The following PTPRN2 variants were observed in gnomAD, a reference collection of about 807,000 sequenced individuals.
PTPRN2 encodes protein tyrosine phosphatase receptor type N2, also known as receptor-type tyrosine-protein phosphatase N2.
Under a neutral mutation model 118.8 loss-of-function variants are expected in PTPRN2, and 74 were observed. That is an observed-to-expected ratio of 0.62 (90% CI 0.52 to 0.76). The LOEUF is 0.76. PTPRN2 is among the 30% of genes least tolerant of loss of function. The probability of loss-of-function intolerance (pLI) is 0.00; values close to 1 mark genes in which losing one functional copy is unlikely to be tolerated. For synonymous variants in PTPRN2, 641 were observed against 608.0 expected (o/e 1.05, Z -0.80); for missense variants, 1,481 against 1,394.4 (o/e 1.06, Z -0.99).
intron 5 of PTPRN2, among the ~76,000 whole-genome samples, chr7:158,174,638 C>T (rs915779045): frequency 6.6e-6 from 1 of 152,224 alleles, no homozygotes; most frequent in Admixed American, 6.5e-5. Context: ...TCAGATGTGG[C>T]CCTGTCCTCA....
intron 15 of PTPRN2, among the ~76,000 whole-genome samples, chr7:157,604,891 T>G (rs987620817): frequency 6.6e-6 from 1 of 152,186 alleles, no homozygotes; most frequent in Non-Finnish European, 1.5e-5. Context: ...CTTTGCTCTG[T>G]TTTTAGAAAC....
At chr7:158,299,645 G>T (rs1489741754) in intron 3 of PTPRN2, among the ~76,000 whole-genome samples, 1 of 152,212 alleles carries the variant, frequency 6.6e-6, no homozygotes, top group Non-Finnish European at 1.5e-5. Context: ...AGATAGCCAG[G>T]GCCTTCTGAG....
At chr7:158,312,805 A>G (rs534621079) in intron 3 of PTPRN2, among the ~76,000 whole-genome samples, 139 of 150,964 alleles carry the variant, frequency 9.2e-4, no homozygotes, top group African/African-American at 3.1e-3. Flanking sequence ...ACACTCATTC[A>G]CGTGCTCACG....
chr7:158,358,385 C>A (rs574441215), intron 2 of PTPRN2, among the ~76,000 whole-genome samples: 2 of 152,360 alleles, frequency 1.3e-5, no homozygotes, highest in African/African-American at 4.8e-5. Flanking sequence ...CGGCTCTGCC[C>A]TTCCTGGCCT....
At chr7:157,807,178 G>A (rs1452371326) in intron 12 of PTPRN2, among the ~76,000 whole-genome samples, 3 of 152,210 alleles carry the variant, frequency 2.0e-5, no homozygotes, top group Non-Finnish European at 2.9e-5. Context: ...AACTGTGCCC[G>A]AGAACACATA....
intron 7 of PTPRN2, among the ~76,000 whole-genome samples, chr7:158,137,942 A>G (rs1287916793): frequency 6.6e-6 from 1 of 152,082 alleles, no homozygotes; most frequent in Non-Finnish European, 1.5e-5. Context: ...CAGACATTTG[A>G]ATGATCCCCT....
intron 1 of PTPRN2, among the ~76,000 whole-genome samples, chr7:158,566,352 CAA>C (rs371158822): frequency 3.1e-5 from 4 of 127,916 alleles, no homozygotes; most frequent in Non-Finnish European, 5.1e-5. Context: ...AAAACTGTCT[CAA>C]AAAAAAAAAA....
At chr7:158,155,520 C>CGCCAT (rs1821650961) in intron 6 of PTPRN2, among the ~76,000 whole-genome samples, 2 of 119,550 alleles carry the variant, frequency 1.7e-5, no homozygotes, top group Admixed American at 1.8e-4. Flanking sequence ...GCCATCATCA[C>CGCCAT]CATCACCATC....
At chr7:158,441,686 G>GTGA (rs1206568722) in intron 2 of PTPRN2, among the ~76,000 whole-genome samples, 1 of 135,334 alleles carries the variant, frequency 7.4e-6, no homozygotes, top group African/African-American at 2.8e-5. Flanking sequence ...AGTGATGGTG[G>GTGA]TGGTGATGGC....
At chr7:158,321,086 G>A (rs1802972731) in intron 2 of PTPRN2, among the ~76,000 whole-genome samples, 1 of 151,986 alleles carries the variant, frequency 6.6e-6, no homozygotes, top group African/African-American at 2.4e-5. Context: ...GAAAGCATCA[G>A]GTGCGATGAG....
chr7:158,302,835 C>T (rs1563107285), intron 3 of PTPRN2, among the ~76,000 whole-genome samples: 2 of 152,182 alleles, frequency 1.3e-5, no homozygotes, highest in South Asian at 2.1e-4. Context: ...ACATACTTTG[C>T]CTTTCTCACG....
intron 11 of PTPRN2, among the ~76,000 whole-genome samples, chr7:158,076,259 C>G (rs78000976): frequency 6.6e-6 from 1 of 152,212 alleles, no homozygotes; most frequent in Non-Finnish European, 1.5e-5. Context: ...TACCGGAGCA[C>G]GGATGGGCTT....
At chr7:158,331,325 C>T (rs866563107) in intron 2 of PTPRN2, among the ~76,000 whole-genome samples, 27 of 125,036 alleles carry the variant, frequency 2.2e-4, no homozygotes, top group African/African-American at 9.3e-4. Flanking sequence ...AGCTGAGGCC[C>T]ACAGAGGTCA....
At position 158,104,334 on chromosome 7, in the gene PTPRN2, GC is replaced by G. The variant is rs150868099; in HGVS notation, c.1643+6494del. Among the ~76,000 whole-genome samples, 850 of 152,298 alleles carry G rather than the reference GC, an allele frequency of 5.6e-3. 7 individuals carry two copies. The highest frequency in any genetic ancestry group is 0.019 in the African/African-American group (806 of 41,546). The stretch of plus-strand genomic sequence containing the variant: ...TCAGGCTCAAAGACTCCTGAGAAAG[GC>G]CCTGGAAGACACATAAGAATCAAGA... On this transcript the variant is annotated intron_variant, in intron 10 of 22. Coordinates refer to ENST00000389418, the MANE Select transcript of PTPRN2 (RefSeq NM_002847.5).
intron 12 of PTPRN2, among the ~76,000 whole-genome samples, chr7:157,823,235 C>G (rs1806963360): frequency 6.6e-6 from 1 of 152,122 alleles, no homozygotes; most frequent in Admixed American, 6.6e-5. Flanking sequence ...TTAATAAAAC[C>G]TTAAAACACA....
intron 10 of PTPRN2, among the ~76,000 whole-genome samples, chr7:158,091,216 C>T (rs186103912): frequency 2.7e-4 from 41 of 152,308 alleles, no homozygotes; most frequent in African/African-American, 9.1e-4. Flanking sequence ...TAGACACTGC[C>T]TAAGCAGTAG....
At chr7:158,537,773 T>C (rs990924869) in intron 1 of PTPRN2, among the ~76,000 whole-genome samples, 11 of 152,210 alleles carry the variant, frequency 7.2e-5, no homozygotes, top group African/African-American at 2.7e-4. Context: ...ATGTGAACAT[T>C]AGGCTAAATG....
intron 2 of PTPRN2, among the ~76,000 whole-genome samples, chr7:158,334,462 CAT>C (rs2151181400): frequency 5.7e-5 from 1 of 17,510 alleles, no homozygotes; most frequent in Non-Finnish European, 1.8e-4. Context: ...AGGTGACGCC[CAT>C]AGACGTCACT....
chr7:158,041,801 G>A (rs1808494125), intron 11 of PTPRN2, among the ~76,000 whole-genome samples: 1 of 152,222 alleles, frequency 6.6e-6, no homozygotes. Context: ...TGATCTTGGT[G>A]ATTCTGAGGC....
Sources: gnomAD v4.1 joint callset for allele counts (sites outside exome capture counted in the v4.1 genomes callset) on GRCh38, gnomAD v4.1.1 for gene constraint, MANE v1.5 for transcripts, NCBI Gene and HGNC (gene_info 2026-07-23, HGNC 2026-07-21) for gene names.